Variants in CCDC90B observed in about 807,000 individuals in gnomAD.
CCDC90B encodes coiled-coil domain containing 90B.
CCDC90B carries 24 observed loss-of-function variants against 37.0 expected under a neutral mutation model. The ratio of observed to expected loss-of-function variants is 0.65; its 90% CI spans 0.47 to 0.91. The LOEUF is 0.91. CCDC90B is among the 40% of genes least tolerant of loss of function. The pLI, the probability that CCDC90B is intolerant of heterozygous loss-of-function variation, is 0.00. For missense variants in CCDC90B, 319 were observed against 299.0 expected (o/e 1.07, Z -0.49); for synonymous variants, 113 against 101.1 (o/e 1.12, Z -0.71).
chr11:83,270,376 T>C (rs969411185), intron 7 of CCDC90B, among the ~76,000 whole-genome samples: 28 of 152,330 alleles, frequency 1.8e-4, no homozygotes, highest in African/African-American at 6.5e-4. Flanking sequence ...TGTTTGCAGA[T>C]GACATGATTG....
intron 2 of CCDC90B, among the ~76,000 whole-genome samples, chr11:83,279,341 T>A (rs1865246001): frequency 6.6e-6 from 1 of 152,022 alleles, no homozygotes; most frequent in East Asian, 1.9e-4. Context: ...TCTCATTCTG[T>A]ATCTCCCCAC....
rs1454738913 is a variant in CCDC90B at position 83,260,706 on chromosome 11, T to G, written c.*1205A>C. On this transcript the variant is annotated 3_prime_UTR_variant, in exon 9 of 9. Coordinates refer to ENST00000529689, the MANE Select transcript of CCDC90B (RefSeq NM_021825.5). Reference sequence around the variant, plus strand: ...TGAACTCAAAATGTTTACTTTCTGGTCTTGTCTTCTTGATCTGGGTAAGAC... The same window carrying G: ...TGAACTCAAAATGTTTACTTTCTGGGCTTGTCTTCTTGATCTGGGTAAGAC... 3.3e-5 allele frequency: 5 copies of G among 152,228 alleles called. No individual in the cohort carries two copies. The highest frequency in any genetic ancestry group is 7.3e-5 in the Non-Finnish European group (5 of 68,034). The allele number at this position is 152,228 out of a possible 1,614,324, so 9.4% of individuals were successfully genotyped here. A position where few individuals can be genotyped will look rare whatever the true frequency, so the allele number is the denominator to read the frequency against.
intron 3 of CCDC90B, among the ~76,000 whole-genome samples, chr11:83,275,054 C>A (rs975041299): frequency 2.0e-5 from 3 of 152,046 alleles, no homozygotes; most frequent in African/African-American, 7.2e-5. Flanking sequence ...TTTTTGAATA[C>A]CCAGATGGAA....
At chr11:83,262,806 A>G (rs1864003819) in intron 8 of CCDC90B, among the ~76,000 whole-genome samples, 1 of 152,176 alleles carries the variant, frequency 6.6e-6, no homozygotes, top group South Asian at 2.1e-4. Flanking sequence ...GTTTTAAGAA[A>G]TGGGATTAGG....
chr11:83,285,872 C>G lies in CCDC90B; in HGVS notation c.100+1G>C. ...ATCTATGACACGACGCCTTGCCTCA[C>G]CTCTCCGCAGGGCCGGCGAGAAATG... On this transcript the variant is annotated splice_donor_variant, in intron 1 of 8. Transcript: ENST00000529689. LOFTEE classifies it high-confidence loss of function. The G allele has an allele frequency of 6.2e-7, 1 of 1,611,354 alleles. No homozygotes were observed. The highest frequency in any genetic ancestry group is 8.5e-7 in the Non-Finnish European group (1 of 1,179,472).
Position 83,280,069 on chromosome 11 carries a change from G to C in CCDC90B, c.220+72C>G, listed in dbSNP as rs1865294071. Reference sequence around the variant, plus strand: ...TAGTTACTTTTGATTGTTCATAATAGTGATATTGTCTTAACTAGGCATTAT... The same window carrying C: ...TAGTTACTTTTGATTGTTCATAATACTGATATTGTCTTAACTAGGCATTAT... On this transcript the variant is annotated intron_variant, in intron 2 of 8. Coordinates refer to ENST00000529689, the MANE Select transcript of CCDC90B (RefSeq NM_021825.5). The C allele has an allele frequency of 2.8e-6, 4 of 1,439,344 alleles. No homozygotes were observed. The African/African-American group carries it at 4.3e-5, about 15-fold the overall frequency. 89.2% of individuals were successfully genotyped at this position (1,439,344 alleles called of 1,614,324 possible). A position where few individuals can be genotyped will look rare whatever the true frequency, so the allele number is the denominator to read the frequency against.
At chr11:83,272,240 A>C (rs1479531609) in intron 7 of CCDC90B, among the ~76,000 whole-genome samples, 1 of 152,230 alleles carries the variant, frequency 6.6e-6, no homozygotes, top group Non-Finnish European at 1.5e-5. Context: ...CCTAGAACTT[A>C]AAGTATTAAA....
At position 83,286,178 on chromosome 11, in the gene CCDC90B, A is replaced by G; in HGVS notation, c.-206T>C. ...GACCCACAGTTCGCGAGCATGGCTCAGCGCTGCCCCGCTTCTCCCAGCGCC... is the reference window on the plus strand; with the variant it reads ...GACCCACAGTTCGCGAGCATGGCTCGGCGCTGCCCCGCTTCTCCCAGCGCC... On this transcript the variant is annotated 5_prime_UTR_variant, in exon 1 of 9. Transcript: ENST00000529689. 1 of 1,534,774 alleles carries G rather than the reference A, an allele frequency of 6.5e-7. No homozygotes were observed. Among genetic ancestry groups the G allele is most frequent in the East Asian group, 2.4e-5 (1 of 40,874 alleles).
chr11:83,286,220 A>T lies in CCDC90B; in HGVS notation c.-248T>A. 6.6e-7 allele frequency: 1 copy of T among 1,522,606 alleles called. No homozygotes were observed. The highest frequency in any genetic ancestry group is 8.8e-7 in the Non-Finnish European group (1 of 1,136,360). 94.3% of individuals were successfully genotyped at this position (1,522,606 alleles called of 1,614,324 possible). ...CCCAGCGCCCCTTCCCGACCTTTGA[A>T]CGCCTTCACCGCCCTAGGAAAGCGA... On this transcript the variant is annotated 5_prime_UTR_variant, in exon 1 of 9. Coordinates refer to ENST00000529689, the MANE Select transcript of CCDC90B (RefSeq NM_021825.5).
At position 83,265,959 on chromosome 11, in the gene CCDC90B, A is replaced by C. The variant is rs769902210; in HGVS notation, c.615T>G (p.Ile205Met). ...CAATTTTATTACTGGTCTCTGAAAT[A>C]ATACTTTTGGTTTGAGTATCCTGTG... The part of the protein sequence containing the change: ...FTKKDTQTKS[I>M]ISETSNKIDA... The change falls in exon 8 of 9, where the codon ATT (isoleucine) becomes ATG (methionine). Residue 205 changes from isoleucine (I) to methionine (M), a missense_variant. Coordinates refer to ENST00000529689, the MANE Select transcript of CCDC90B (RefSeq NM_021825.5). The C allele has an allele frequency of 3.7e-6, 6 of 1,606,604 alleles. No homozygotes were observed. Among genetic ancestry groups the C allele is most frequent in the Middle Eastern group, 1.7e-4 (1 of 6,038 alleles).
Position 83,274,735 on chromosome 11 carries a change from T to G in CCDC90B, c.330A>C (p.Ile110=). 1 of 1,597,298 alleles carries G rather than the reference T, an allele frequency of 6.3e-7. No individual in the cohort carries two copies. Among genetic ancestry groups the G allele is most frequent in the Non-Finnish European group, 8.6e-7 (1 of 1,167,290 alleles). Residue 110 remains isoleucine, a synonymous_variant, in exon 4 of 9, where the codon ATA becomes ATC. Transcript: ENST00000529689. ...AATGAGCCATTAGCTGTTGTACTGT[T>G]ATTTCCTAGAAAACAAAATAAAAAT... ...KEMVTQAQQE[I]TVQQLMAHLD... is the part of the protein sequence containing the mutation.
chr11:83,263,095 C>T (rs908804732), intron 8 of CCDC90B, among the ~76,000 whole-genome samples: 53 of 151,850 alleles, frequency 3.5e-4, no homozygotes, highest in African/African-American at 1.3e-3. Flanking sequence ...CATTTTTTTT[C>T]TCTTAATAAA....
chr11:83,267,134 A>G (rs1048161112), intron 7 of CCDC90B: 2 of 152,280 alleles, frequency 1.3e-5, no homozygotes, highest in African/African-American at 4.8e-5. Context: ...CCAGAGGTAG[A>G]TAAAACAACA....
Position 83,273,778 on chromosome 11 carries a change from T to G in CCDC90B, c.540+15A>C. 1 of 1,604,494 alleles carries G rather than the reference T, an allele frequency of 6.2e-7. No homozygotes were observed. The highest frequency in any genetic ancestry group is 1.1e-5 in the South Asian group (1 of 89,056). On this transcript the variant is annotated intron_variant, in intron 6 of 8. Transcript: ENST00000529689. Reference sequence around the variant, plus strand: ...GGAGTAAGTAACCAAGAAAGTACATTTAAAAGAACATTACCATATCTGTTA... The same window carrying G: ...GGAGTAAGTAACCAAGAAAGTACATGTAAAAGAACATTACCATATCTGTTA...
rs644296 is a variant in CCDC90B at position 83,264,625 on chromosome 11, C to T, written c.709+1240G>A. On this transcript the variant is annotated intron_variant, in intron 8 of 8. Coordinates refer to ENST00000529689, the MANE Select transcript of CCDC90B (RefSeq NM_021825.5). ...GACCTTTTTCTCTGGCTGCCCTTAA[C>T]ATTTTTTCCTTCATTTCAACTTTGG... 2.0e-4 allele frequency among the ~76,000 whole-genome samples: 30 copies of T among 152,220 alleles called. 1 individual carries two copies. The East Asian group carries it at 5.8e-3, about 29-fold the overall frequency.
intron 8 of CCDC90B, among the ~76,000 whole-genome samples, chr11:83,264,668 G>A (rs962678303): frequency 1.3e-5 from 2 of 151,984 alleles, no homozygotes; most frequent in Non-Finnish European, 2.9e-5. Context: ...GACAATTATG[G>A]AGTTGCTCTT....
At position 83,261,126 on chromosome 11, in the gene CCDC90B, T is replaced by A. The variant is rs1183939152; in HGVS notation, c.*785A>T. 1 of 152,224 alleles carries A rather than the reference T, an allele frequency of 6.6e-6. No homozygotes were observed. The highest frequency in any genetic ancestry group is 1.9e-4 in the East Asian group (1 of 5,200). 9.4% of individuals were successfully genotyped at this position (152,224 alleles called of 1,614,324 possible). A position where few individuals can be genotyped will look rare whatever the true frequency, so the allele number is the denominator to read the frequency against. On this transcript the variant is annotated 3_prime_UTR_variant, in exon 9 of 9. Coordinates refer to ENST00000529689, the MANE Select transcript of CCDC90B (RefSeq NM_021825.5). ...ATTTAGGTAATGGAGTCTTGCTCTG[T>A]CACCCAGGCTGGAGTGCAGTGGTGC...
At chr11:83,262,717 T>C (rs1032581983) in intron 8 of CCDC90B, among the ~76,000 whole-genome samples, 1 of 152,218 alleles carries the variant, frequency 6.6e-6, no homozygotes, top group Non-Finnish European at 1.5e-5. Flanking sequence ...TTATTCATAA[T>C]GTATAAACCC....
chr11:83,263,086 A>AT (rs143625866), intron 8 of CCDC90B, among the ~76,000 whole-genome samples: 20 of 151,870 alleles, frequency 1.3e-4, no homozygotes, highest in African/African-American at 4.6e-4. Context: ...CTCCAAAGCC[A>AT]TTTTTTTTCT....
Sources: gnomAD v4.1 joint callset for allele counts (sites outside exome capture counted in the v4.1 genomes callset) on GRCh38, gnomAD v4.1.1 for gene constraint, MANE v1.5 for transcripts, NCBI Gene and HGNC (gene_info 2026-07-23, HGNC 2026-07-21) for gene names.